SIL1: variants seen among roughly 807,000 people sequenced by gnomAD.
The protein encoded by SIL1 is nucleotide exchange factor SIL1.
A neutral mutation model predicts 49.1 loss-of-function variants in SIL1; 40 were observed. That is an observed-to-expected ratio of 0.81 (90% CI 0.63 to 1.06). SIL1 has a LOEUF of 1.06. Among genes scored for constraint, SIL1 ranks in the 50% least tolerant of loss-of-function variants. The pLI, the probability that SIL1 is intolerant of heterozygous loss-of-function variation, is 0.00. For missense variants in SIL1, 500 were observed against 572.6 expected, an observed-to-expected ratio of 0.87 and a Z score of 1.29; for synonymous variants, 253 against 250.8, an observed-to-expected ratio of 1.01 and a Z score of -0.08.
intron 7 of SIL1, among the ~76,000 whole-genome samples, chr5:138,983,215 A>G (rs1336843672): frequency 1.3e-5 from 2 of 148,200 alleles, no homozygotes; most frequent in Non-Finnish European, 3.0e-5. Context: ...AAAAAAAAAA[A>G]AAAAAAAAAA....
intron 7 of SIL1, among the ~76,000 whole-genome samples, chr5:139,011,048 G>T (rs1486028612): frequency 6.7e-6 from 1 of 149,830 alleles, no homozygotes. Flanking sequence ...AATGGCGGGC[G>T]CCCCTCCCCC....
intron 1 of SIL1, among the ~76,000 whole-genome samples, chr5:139,154,765 C>T (rs1386466295): frequency 6.6e-6 from 1 of 152,162 alleles, no homozygotes; most frequent in Non-Finnish European, 1.5e-5. Flanking sequence ...GCCAAGTGAG[C>T]CAGAGAAACT....
intron 7 of SIL1, among the ~76,000 whole-genome samples, chr5:138,970,280 A>C (rs1767241531): frequency 6.6e-6 from 1 of 152,242 alleles, no homozygotes; most frequent in Admixed American, 6.5e-5. Context: ...GTGAGGGTAC[A>C]GTTACCACAT....
chr5:139,196,691 G>A (rs1752281417), intron 1 of SIL1, among the ~76,000 whole-genome samples: 1 of 152,174 alleles, frequency 6.6e-6, no homozygotes, highest in Non-Finnish European at 1.5e-5. Context: ...ATGTATTCAT[G>A]AGCAGATTAA....
chr5:138,979,386 TACTG>T (rs1767466618), intron 7 of SIL1, among the ~76,000 whole-genome samples: 1 of 152,222 alleles, frequency 6.6e-6, no homozygotes, highest in African/African-American at 2.4e-5. Context: ...TTTGATGACA[TACTG>T]ACTGACTAAA....
At chr5:139,140,984 C>T (rs1751068669) in intron 1 of SIL1, among the ~76,000 whole-genome samples, 1 of 152,102 alleles carries the variant, frequency 6.6e-6, no homozygotes, top group African/African-American at 2.4e-5. Flanking sequence ...TTGCTGAGAG[C>T]ACAGTTACAA....
intron 2 of SIL1, 47 bp downstream of exon 2, chr5:139,127,692 T>C (rs1325204880): frequency 6.7e-7 from 1 of 1,490,056 alleles, no homozygotes; most frequent in South Asian, 1.2e-5. Context: ...GGAGGCCTTC[T>C]CAAGACCTCA....
At chr5:139,090,553 C>A (rs1017221855) in intron 3 of SIL1, among the ~76,000 whole-genome samples, 1 of 152,174 alleles carries the variant, frequency 6.6e-6, no homozygotes, top group Non-Finnish European at 1.5e-5. Context: ...CATTCAAAAA[C>A]AGACCCAACT....
chr5:139,062,682 T>C (rs536224214), intron 3 of SIL1, among the ~76,000 whole-genome samples: 2 of 152,342 alleles, frequency 1.3e-5, no homozygotes, highest in African/African-American at 4.8e-5. Flanking sequence ...ACAAGGACTA[T>C]CAATGCTACT....
chr5:139,129,699 C>A (rs1173200043), intron 1 of SIL1, among the ~76,000 whole-genome samples: 1 of 152,098 alleles, frequency 6.6e-6, no homozygotes, highest in Non-Finnish European at 1.5e-5. Flanking sequence ...TACAGTTGGA[C>A]CCTTACCTTA....
intron 1 of SIL1, among the ~76,000 whole-genome samples, chr5:139,172,574 AG>A (rs1240261571): frequency 6.6e-6 from 1 of 150,810 alleles, no homozygotes; most frequent in East Asian, 2.0e-4. Flanking sequence ...TGGAGGTTGC[AG>A]TGAGGCAAGA....
intron 1 of SIL1, among the ~76,000 whole-genome samples, chr5:139,145,629 CGTGTGTGTGTGTGTGT>C (rs57675583): frequency 0.21 from 29,727 of 142,746 alleles, 3,502 homozygotes; most frequent in South Asian, 0.33. Flanking sequence ...GGTGTGGGGG[CGTGTGTGTGTGTGTGT>C]GTGTGTGTGT....
At chr5:139,144,437 T>C (rs1166897329) in intron 1 of SIL1, among the ~76,000 whole-genome samples, 2 of 152,200 alleles carry the variant, frequency 1.3e-5, no homozygotes, top group Non-Finnish European at 2.9e-5. Flanking sequence ...ATCAAAAGTG[T>C]GGTAATGATG....
intron 1 of SIL1, among the ~76,000 whole-genome samples, chr5:139,173,674 C>T (rs572683169): frequency 2.0e-5 from 3 of 150,594 alleles, no homozygotes; most frequent in South Asian, 2.1e-4. Flanking sequence ...CAGCCAGGCA[C>T]GGTGGCTCAT....
At chr5:138,966,507 G>A (rs1255918684) in intron 7 of SIL1, among the ~76,000 whole-genome samples, 5 of 152,236 alleles carry the variant, frequency 3.3e-5, no homozygotes, top group African/African-American at 1.2e-4. Flanking sequence ...GCGGGCGGGT[G>A]TAGGGGGGTG....
At chr5:138,949,646 C>T (rs1766716812) in intron 9 of SIL1, among the ~76,000 whole-genome samples, 1 of 151,564 alleles carries the variant, frequency 6.6e-6, no homozygotes, top group Non-Finnish European at 1.5e-5. Context: ...ACCCTGTCTA[C>T]AAAAAACGAA....
chr5:138,958,276 C>G (rs1293857683), intron 7 of SIL1, among the ~76,000 whole-genome samples: 1 of 152,176 alleles, frequency 6.6e-6, no homozygotes, highest in Non-Finnish European at 1.5e-5. Context: ...TAGACTGAGG[C>G]TGTGGCTTTG....
chr5:139,035,273 T>C (rs1029105879), intron 5 of SIL1: 10 of 513,330 alleles, frequency 1.9e-5, no homozygotes, highest in African/African-American at 1.5e-4. Context: ...TTCTAGAGAG[T>C]TCTCTGGCTA....
chr5:139,058,855 T>G (rs1271263426), intron 3 of SIL1, among the ~76,000 whole-genome samples: 2 of 152,124 alleles, frequency 1.3e-5, no homozygotes, highest in African/African-American at 4.8e-5. Context: ...TTCTTTTTTC[T>G]TTTTTCAATT....
Sources: gnomAD v4.1 joint callset for allele counts (sites outside exome capture counted in the v4.1 genomes callset) on GRCh38, gnomAD v4.1.1 for gene constraint, MANE v1.5 for transcripts, NCBI Gene and HGNC (gene_info 2026-07-23, HGNC 2026-07-21) for gene names.